The following ATP9B variants were observed in gnomAD, a reference collection of about 807,000 sequenced individuals.
The protein encoded by ATP9B is ATPase phospholipid transporting 9B, also known as probable phospholipid-transporting ATPase IIB.
ATP9B carries 110 observed loss-of-function variants against 146.1 expected under a neutral mutation model. The observed-to-expected ratio is 0.75, with a 90% confidence interval of 0.65 to 0.88. The LOEUF is 0.88. ATP9B is among the 40% of genes least tolerant of loss of function. ATP9B has a pLI of 0.00. For synonymous variants in ATP9B, 604 were observed against 569.7 expected, an observed-to-expected ratio of 1.06 and a Z score of -0.86; for missense variants, 1,499 against 1,496.4, an observed-to-expected ratio of 1.00 and a Z score of -0.03.
chr18:79,217,263 C>T lies in ATP9B; in HGVS notation c.1107+3225C>T, dbSNP rs144703124. On this transcript the variant is annotated intron_variant, in intron 11 of 29. Transcript: ENST00000426216. ...GCGGTGGCGCAATCTCGGCTCACTGCAAACTCCGCCTCCCGAGTTCACGCC... is the reference window on the plus strand; with the variant it reads ...GCGGTGGCGCAATCTCGGCTCACTGTAAACTCCGCCTCCCGAGTTCACGCC... 4.0e-3 allele frequency among the ~76,000 whole-genome samples: 617 copies of T among 152,346 alleles called. 4 individuals carry two copies. Among genetic ancestry groups the T allele is most frequent in the African/African-American group, 0.014 (571 of 41,582 alleles).
chr18:79,128,411 T>TG (rs2094324217), intron 5 of ATP9B, among the ~76,000 whole-genome samples: 1 of 152,230 alleles, frequency 6.6e-6, no homozygotes, highest in Admixed American at 6.5e-5. Flanking sequence ...GGGTAAGGTG[T>TG]GGGTCCATAT....
rs141841070 is a variant in ATP9B at position 79,199,590 on chromosome 18, C to A, written c.954+6327C>A. 9.2e-5 allele frequency among the ~76,000 whole-genome samples: 14 copies of A among 151,922 alleles called. 1 individual carries two copies. The East Asian group carries it at 2.7e-3, about 30-fold the overall frequency. On this transcript the variant is annotated intron_variant, in intron 9 of 29. Coordinates refer to ENST00000426216, the MANE Select transcript of ATP9B (RefSeq NM_198531.5). ...CCATCCTGGCCCATATGGTGAAACC[C>A]CATCTCTACTAAAAATACAAAAATT...
In ATP9B at chr18:79,154,503, G is replaced by T; in HGVS notation, c.727-1G>T. The T allele has an allele frequency of 6.5e-7, 1 of 1,533,924 alleles. No individual in the cohort carries two copies. Among genetic ancestry groups the T allele is most frequent in the Non-Finnish European group, 8.7e-7 (1 of 1,148,516 alleles). On this transcript the variant is annotated splice_acceptor_variant, in intron 6 of 29. Transcript: ENST00000426216. LOFTEE classifies it high-confidence loss of function. ...TTAATCTTTTATAATGCTCTTTGCA[G>T]AATCAAAGAATTCCATCGGACATGG...
At chr18:79,097,826 G>A (rs1401642335) in intron 2 of ATP9B, among the ~76,000 whole-genome samples, 8 of 147,466 alleles carry the variant, frequency 5.4e-5, no homozygotes, top group African/African-American at 2.1e-4. Context: ...GAATAGTGCC[G>A]CAATAAACAT....
chr18:79,356,127 C>T (rs879424274), intron 25 of ATP9B, among the ~76,000 whole-genome samples: 4 of 152,194 alleles, frequency 2.6e-5, no homozygotes, highest in Admixed American at 6.5e-5. Flanking sequence ...GCACAGACCA[C>T]AAGCAAGCCG....
chr18:79,329,127 C>T lies in ATP9B; in HGVS notation c.1774-14C>T. 1.3e-6 allele frequency: 2 copies of T among 1,537,760 alleles called. No homozygotes were observed. The highest frequency in any genetic ancestry group is 1.8e-6 in the Non-Finnish European group (2 of 1,138,428). On this transcript the variant is annotated splice_polypyrimidine_tract_variant and intron_variant, in intron 15 of 29. Coordinates refer to ENST00000426216, the MANE Select transcript of ATP9B (RefSeq NM_198531.5). ...GAGGCAGCGGTGGCCTCAGTTGTTG[C>T]TGGTCTCCCGTAGGTCGCTCTGGTG...
chr18:79,150,586 G>A (rs2094673172), intron 6 of ATP9B, among the ~76,000 whole-genome samples: 1 of 152,040 alleles, frequency 6.6e-6, no homozygotes, highest in South Asian at 2.1e-4. Flanking sequence ...GAAGCAAAAA[G>A]AAACAAAAAG....
intron 12 of ATP9B, among the ~76,000 whole-genome samples, chr18:79,266,686 C>A (rs1175242803): frequency 6.6e-6 from 1 of 151,966 alleles, no homozygotes; most frequent in East Asian, 1.9e-4. Flanking sequence ...TTTTCTAAAT[C>A]TATTGAGGAT....
At chr18:79,147,719 A>G (rs1159920760) in intron 6 of ATP9B, among the ~76,000 whole-genome samples, 4 of 151,984 alleles carry the variant, frequency 2.6e-5, no homozygotes, top group Non-Finnish European at 4.4e-5. Context: ...TGGGGAAACA[A>G]GCAGAGGTCT....
chr18:79,105,944 G>T (rs1010277204), intron 2 of ATP9B, among the ~76,000 whole-genome samples: 3 of 152,146 alleles, frequency 2.0e-5, no homozygotes, highest in African/African-American at 7.2e-5. Context: ...TTTTTGGGGG[G>T]TGGAGAGAAA....
chr18:79,150,541 G>C (rs928424010), intron 6 of ATP9B, among the ~76,000 whole-genome samples: 1 of 152,148 alleles, frequency 6.6e-6, no homozygotes, highest in African/African-American at 2.4e-5. Context: ...AGAACACAGG[G>C]CTCCTTGCTC....
At chr18:79,258,262 C>CA (rs959076516) in intron 12 of ATP9B, among the ~76,000 whole-genome samples, 1 of 151,866 alleles carries the variant, frequency 6.6e-6, no homozygotes, top group Admixed American at 6.6e-5. Context: ...CTGGTCTCTC[C>CA]AAAAAACAAA....
chr18:79,227,604 C>T (rs2095749465), intron 11 of ATP9B, among the ~76,000 whole-genome samples: 2 of 152,270 alleles, frequency 1.3e-5, no homozygotes, highest in South Asian at 4.1e-4. Flanking sequence ...CAGTGAGAAA[C>T]GGATTTATCA....
chr18:79,373,779 G>A, intron 27 of ATP9B, 119 bp from the exon 28 acceptor site: 1 of 1,015,384 alleles, frequency 9.8e-7, no homozygotes, highest in Middle Eastern at 3.2e-4. Flanking sequence ...ATGAGCTGCT[G>A]CGCCTGGCCT....
At chr18:79,301,621 GACAAA>G (rs774427835) in intron 13 of ATP9B, among the ~76,000 whole-genome samples, 42 of 152,288 alleles carry the variant, frequency 2.8e-4, no homozygotes, top group African/African-American at 7.7e-4. Flanking sequence ...AGAGTAGCAT[GACAAA>G]ACAAAAAGGT....
chr18:79,119,507 A>G (rs1035243938), intron 4 of ATP9B, among the ~76,000 whole-genome samples: 12 of 152,106 alleles, frequency 7.9e-5, no homozygotes, highest in African/African-American at 2.9e-4. Flanking sequence ...TTATTTTTAG[A>G]TAATTACCTC....
intron 1 of ATP9B, among the ~76,000 whole-genome samples, chr18:79,073,236 G>A (rs997677974): frequency 2.0e-5 from 3 of 152,216 alleles, no homozygotes; most frequent in Admixed American, 1.3e-4. Flanking sequence ...TGGCAGCTGG[G>A]CAGAGGCTGC....
At chr18:79,355,619 T>C (rs1479408500) in intron 25 of ATP9B, among the ~76,000 whole-genome samples, 1 of 151,956 alleles carries the variant, frequency 6.6e-6, no homozygotes, top group East Asian at 1.9e-4. Context: ...AGATGGTAAT[T>C]CTACCGTTTG....
At chr18:79,120,708 C>A (rs1299304329) in intron 4 of ATP9B, among the ~76,000 whole-genome samples, 3 of 152,156 alleles carry the variant, frequency 2.0e-5, no homozygotes, top group Non-Finnish European at 4.4e-5. Context: ...TGCAGAAGAT[C>A]TTTAGATAAA....
Sources: gnomAD v4.1 joint callset for allele counts (sites outside exome capture counted in the v4.1 genomes callset) on GRCh38, gnomAD v4.1.1 for gene constraint, MANE v1.5 for transcripts, NCBI Gene and HGNC (gene_info 2026-07-23, HGNC 2026-07-21) for gene names.